Variants in DIAPH2 observed in about 807,000 individuals in gnomAD.
The protein encoded by DIAPH2 is protein diaphanous homolog 2.
In DIAPH2, 35 loss-of-function variants were observed where a neutral mutation model predicts 92.7. The ratio of observed to expected loss-of-function variants is 0.38; its 90% CI spans 0.29 to 0.50. DIAPH2 has a LOEUF of 0.50. DIAPH2 is among the 20% of genes least tolerant of loss of function. DIAPH2 has a pLI of 0.94. For missense variants in DIAPH2, 701 were observed against 819.5 expected, an observed-to-expected ratio of 0.86 and a Z score of 1.77; for synonymous variants, 301 against 280.4, an observed-to-expected ratio of 1.07 and a Z score of -0.73.
At chrX:97,530,966 G>A (rs929212157) in intron 26 of DIAPH2, among the ~76,000 whole-genome samples, 16 of 111,127 alleles carry the variant, frequency 1.4e-4, no homozygotes, top group Admixed American at 7.6e-4. Context: ...TAGGTAGATC[G>A]TTGGTGAGTG....
chrX:96,945,467 C>T (rs1327521805), intron 13 of DIAPH2, 60 bp from the exon 14 acceptor site: 10 of 847,893 alleles, frequency 1.2e-5, no homozygotes, highest in Middle Eastern at 5.5e-4. Flanking sequence ...GGCTAGAAGA[C>T]GTCTTTTGTC....
chrX:97,058,700 A>G (rs1217794933), intron 17 of DIAPH2, among the ~76,000 whole-genome samples: 2 of 110,816 alleles, frequency 1.8e-5, no homozygotes, highest in Non-Finnish European at 3.8e-5. Context: ...TTGAAGACAG[A>G]AGATCATCAC....
At chrX:96,774,732 A>T (rs1290203981) in intron 4 of DIAPH2, among the ~76,000 whole-genome samples, 1 of 111,808 alleles carries the variant, frequency 8.9e-6, no homozygotes, top group African/African-American at 3.2e-5. Context: ...CACCTTTCTT[A>T]TGCACGCTTG....
chrX:96,784,772 G>C (rs60960520), intron 4 of DIAPH2, among the ~76,000 whole-genome samples: 1,474 of 112,328 alleles, frequency 0.013, 23 homozygotes, highest in African/African-American at 0.044. Flanking sequence ...AGTGGATTCT[G>C]TGTTAACTGT....
At chrX:96,962,356 TATATATATACACATATATATATACAC>T (rs1569436520) in intron 16 of DIAPH2, among the ~76,000 whole-genome samples, 14 of 55,329 alleles carry the variant, frequency 2.5e-4, no homozygotes, top group Non-Finnish European at 4.0e-4. Context: ...TATATACACA[TATATATATACACATATATATATACAC>T]ATATATATAC....
Position 97,081,528 on chromosome X carries a change from T to C in DIAPH2, c.2247+6267T>C, listed in dbSNP as rs1423203340. 8 of 112,487 alleles carry C rather than the reference T, an allele frequency of 7.1e-5. No homozygotes were observed. The East Asian group carries it at 1.7e-3, about 23-fold the overall frequency. The allele number at this position is 112,487 out of a possible 1,213,427, so 9.3% of individuals were successfully genotyped here. A position where few individuals can be genotyped will look rare whatever the true frequency, so the allele number is the denominator to read the frequency against. On this transcript the variant is annotated intron_variant, in intron 19 of 26. Coordinates refer to ENST00000324765, the MANE Select transcript of DIAPH2 (RefSeq NM_006729.5). ...CAAAATGTTTTTAAAATATAAAAAA[T>C]TGAGCCTATGGCCGGGCATGGTGGC...
intron 22 of DIAPH2, among the ~76,000 whole-genome samples, chrX:97,176,562 T>C (rs1243052218): frequency 7.2e-5 from 8 of 111,030 alleles, no homozygotes; most frequent in African/African-American, 2.6e-4. Flanking sequence ...GAGTCTTGCT[T>C]TGTCGCCCAG....
chrX:96,833,850 A>G (rs1403628671), intron 4 of DIAPH2, among the ~76,000 whole-genome samples: 1 of 110,610 alleles, frequency 9.0e-6, no homozygotes, highest in Non-Finnish European at 1.9e-5. Flanking sequence ...TAGTAGAGAC[A>G]GGACTTCACC....
chrX:97,097,492 G>C lies in DIAPH2; in HGVS notation c.2248-2202G>C, dbSNP rs1174533651. Among the ~76,000 whole-genome samples the C allele has an allele frequency of 6.3e-5, 7 of 111,797 alleles. No homozygotes were observed. The East Asian group carries it at 2.0e-3, about 31-fold the overall frequency. On this transcript the variant is annotated intron_variant, in intron 19 of 26. Coordinates refer to ENST00000324765, the MANE Select transcript of DIAPH2 (RefSeq NM_006729.5). ...GAGAAAAGATATGTCACCTCCCACT[G>C]TGGCGCCTTCATTCTGAAAATAACA...
At chrX:97,567,754 T>C (rs2071337127) in intron 26 of DIAPH2, among the ~76,000 whole-genome samples, 1 of 111,333 alleles carries the variant, frequency 9.0e-6, no homozygotes, top group Non-Finnish European at 1.9e-5. Flanking sequence ...TAAAATAAAT[T>C]TGTAGGAAGC....
chrX:97,126,438 A>G (rs2067095059), intron 21 of DIAPH2, among the ~76,000 whole-genome samples: 1 of 112,186 alleles, frequency 8.9e-6, no homozygotes, highest in Admixed American at 9.4e-5. Context: ...TATACATTTA[A>G]CGACTTTTTA....
At chrX:97,308,845 C>G (rs867922226) in intron 23 of DIAPH2, among the ~76,000 whole-genome samples, 3 of 104,776 alleles carry the variant, frequency 2.9e-5, no homozygotes, top group Middle Eastern at 9.9e-3. Flanking sequence ...ATGGATGAAA[C>G]CCCATCTTTA....
At chrX:97,509,177 G>A (rs1391372797) in intron 26 of DIAPH2, among the ~76,000 whole-genome samples, 1 of 109,510 alleles carries the variant, frequency 9.1e-6, no homozygotes, top group Non-Finnish European at 1.9e-5. Context: ...CTCCTGAGTA[G>A]CTGGGATTAC....
chrX:96,685,349 C>T (rs1402475696), intron 1 of DIAPH2, among the ~76,000 whole-genome samples, 159 bp downstream of exon 1: 1 of 112,237 alleles, frequency 8.9e-6, no homozygotes, highest in Non-Finnish European at 1.9e-5. Context: ...CGCCGAGGCG[C>T]GGAGACGGCG....
intron 19 of DIAPH2, among the ~76,000 whole-genome samples, chrX:97,083,203 A>T (rs2066759548): frequency 8.9e-6 from 1 of 112,164 alleles, no homozygotes; most frequent in Non-Finnish European, 1.9e-5. Context: ...ACATAATATA[A>T]AATTTAACAT....
intron 4 of DIAPH2, among the ~76,000 whole-genome samples, chrX:96,836,718 T>TATATATATATA (rs58380012): frequency 3.9e-4 from 6 of 15,348 alleles, no homozygotes; most frequent in African/African-American, 1.8e-3. Flanking sequence ...TATATATATA[T>TATATATATATA]TTTTTTTTTT....
chrX:97,157,859 A>G (rs1333588296), intron 22 of DIAPH2, among the ~76,000 whole-genome samples: 4 of 112,295 alleles, frequency 3.6e-5, no homozygotes, highest in Admixed American at 2.8e-4. Context: ...TCTGTTCTCA[A>G]AACTAATTAT....
chrX:97,349,964 T>C (rs1371764454), intron 24 of DIAPH2, among the ~76,000 whole-genome samples: 1 of 111,964 alleles, frequency 8.9e-6, no homozygotes, highest in Non-Finnish European at 1.9e-5. Context: ...ACTGAAATGA[T>C]AAATCCAATA....
At chrX:97,407,732 A>T (rs1398401030) in intron 25 of DIAPH2, among the ~76,000 whole-genome samples, 1 of 112,441 alleles carries the variant, frequency 8.9e-6, no homozygotes, top group Non-Finnish European at 1.9e-5. Flanking sequence ...TATTCATTTT[A>T]CTAAAATATA....
Sources: gnomAD v4.1 joint callset for allele counts (sites outside exome capture counted in the v4.1 genomes callset) on GRCh38, gnomAD v4.1.1 for gene constraint, MANE v1.5 for transcripts, NCBI Gene and HGNC (gene_info 2026-07-23, HGNC 2026-07-21) for gene names.